Variants in CCDC102B observed in about 807,000 individuals in gnomAD.
CCDC102B encodes the protein coiled-coil domain containing 102B, also known as coiled-coil domain-containing protein 102B.
In CCDC102B, 75 loss-of-function variants were observed where a neutral mutation model predicts 57.4. The ratio of observed to expected loss-of-function variants is 1.31; its 90% confidence interval spans 1.08 to 1.58. CCDC102B has a LOEUF of 1.58. Ranked by LOEUF, CCDC102B falls within the 40% of genes most tolerant of loss-of-function variation. The pLI, the probability that CCDC102B is intolerant of heterozygous loss-of-function variation, is 0.00. For missense variants in CCDC102B, 636 were observed against 582.6 expected, an observed-to-expected ratio of 1.09 and a Z score of -0.94; for synonymous variants, 206 against 201.9, an observed-to-expected ratio of 1.02 and a Z score of -0.17.
chr18:68,958,164 A>G (rs1005779085), intron 6 of CCDC102B, among the ~76,000 whole-genome samples: 3 of 152,120 alleles, frequency 2.0e-5, no homozygotes, highest in Non-Finnish European at 4.4e-5. Flanking sequence ...CATGGGAAAG[A>G]CCTGCCCTGG....
At chr18:68,757,996 A>T (rs1406646330) in intron 2 of CCDC102B, among the ~76,000 whole-genome samples, 1 of 152,028 alleles carries the variant, frequency 6.6e-6, no homozygotes, top group Non-Finnish European at 1.5e-5. Flanking sequence ...TGTATTAAAG[A>T]TAGCCTTTTC....
At chr18:68,991,476 C>T (rs1379402026) in intron 6 of CCDC102B, among the ~76,000 whole-genome samples, 2 of 152,166 alleles carry the variant, frequency 1.3e-5, no homozygotes, top group Non-Finnish European at 2.9e-5. Flanking sequence ...GTGTTCATGG[C>T]TTTAAGAAAA....
chr18:68,850,920 C>T (rs1472718151), intron 4 of CCDC102B, among the ~76,000 whole-genome samples: 1 of 151,990 alleles, frequency 6.6e-6, no homozygotes, highest in African/African-American at 2.4e-5. Flanking sequence ...AGTCTCTGTC[C>T]AAAGTATGTT....
intron 2 of CCDC102B, among the ~76,000 whole-genome samples, chr18:68,780,737 A>C (rs17079702): frequency 0.065 from 9,818 of 151,756 alleles, 597 homozygotes; most frequent in African/African-American, 0.16. Flanking sequence ...TCTGGGCCCT[A>C]CTCTACCATT....
At chr18:68,775,077 T>C (rs557304223) in intron 2 of CCDC102B, among the ~76,000 whole-genome samples, 25 of 151,458 alleles carry the variant, frequency 1.7e-4, no homozygotes, top group African/African-American at 6.0e-4. Context: ...CATCACTTTA[T>C]AGTCACATAT....
At chr18:68,937,408 G>A (rs991442936) in intron 6 of CCDC102B, among the ~76,000 whole-genome samples, 1 of 152,032 alleles carries the variant, frequency 6.6e-6, no homozygotes, top group Non-Finnish European at 1.5e-5. Flanking sequence ...CATCCATCTG[G>A]AGACTGAAAT....
At chr18:68,956,471 A>ATATAAAATATATATATATATT (rs1568352479) in intron 6 of CCDC102B, among the ~76,000 whole-genome samples, 1 of 69,990 alleles carries the variant, frequency 1.4e-5, no homozygotes, top group Non-Finnish European at 2.3e-5. Context: ...TTATATATAT[A>ATATAAAATATATATATATATT]TTATATATAT....
At chr18:69,015,847 A>AT (rs1203112295) in intron 7 of CCDC102B, among the ~76,000 whole-genome samples, 1 of 151,740 alleles carries the variant, frequency 6.6e-6, no homozygotes, top group Admixed American at 6.6e-5. Flanking sequence ...ATAATGGCAC[A>AT]TTTTTTTATT....
At chr18:68,720,719 CTT>C (rs148540086) in intron 2 of CCDC102B, among the ~76,000 whole-genome samples, 41 of 152,162 alleles carry the variant, frequency 2.7e-4, no homozygotes, top group Admixed American at 3.9e-4. Context: ...CCCGGTGAGT[CTT>C]TTTTAGCAAG....
intron 4 of CCDC102B, among the ~76,000 whole-genome samples, chr18:68,860,548 C>T (rs1015214382): frequency 8.2e-6 from 1 of 121,894 alleles, no homozygotes; most frequent in Non-Finnish European, 1.8e-5. Context: ...ACCCCTGCCA[C>T]ACAGGCCTCC....
At chr18:68,879,039 A>C in intron 5 of CCDC102B, among the ~76,000 whole-genome samples, 1 of 151,952 alleles carries the variant, frequency 6.6e-6, no homozygotes, top group Non-Finnish European at 1.5e-5. Flanking sequence ...TCGCTGGCTC[A>C]GGAGTGAAGC....
chr18:68,836,911 C>T lies in CCDC102B; in HGVS notation c.148C>T (p.Gln50Ter). 6.2e-7 allele frequency: 1 copy of T among 1,614,134 alleles called. No individual in the cohort carries two copies. Among genetic ancestry groups the T allele is most frequent in the Non-Finnish European group, 8.5e-7 (1 of 1,180,020 alleles). The change falls in exon 2 of 8, where the codon CAA (glutamine) becomes TAA (stop). Residue 50 changes from glutamine (Q) to a stop codon, truncating the protein, a stop_gained. Coordinates refer to ENST00000360242, the MANE Select transcript of CCDC102B (RefSeq NM_024781.3). LOFTEE classifies it high-confidence loss of function. Reference sequence around the variant, plus strand: ...TACCTGCTTCCCACTTCATGGGCTACAATCTCATGCTGCTCACAATTTCTG... The same window carrying T: ...TACCTGCTTCCCACTTCATGGGCTATAATCTCATGCTGCTCACAATTTCTG... Reference protein sequence around the residue: ...CNTCFPLHGLQSHAAHNFCAH... With the variant: ...CNTCFPLHGL
At chr18:68,869,298 GA>G (rs969139986) in intron 4 of CCDC102B, among the ~76,000 whole-genome samples, 4 of 152,154 alleles carry the variant, frequency 2.6e-5, no homozygotes, top group African/African-American at 9.7e-5. Flanking sequence ...AGAGAAAAGG[GA>G]AAACTGCACA....
chr18:68,974,550 A>G (rs760855514), intron 6 of CCDC102B, among the ~76,000 whole-genome samples: 4 of 152,140 alleles, frequency 2.6e-5, no homozygotes, highest in African/African-American at 4.8e-5. Flanking sequence ...CTTGTTGGAT[A>G]TAGTTATTTA....
At chr18:68,887,122 G>A (rs923247501) in intron 5 of CCDC102B, among the ~76,000 whole-genome samples, 3 of 152,154 alleles carry the variant, frequency 2.0e-5, no homozygotes, top group African/African-American at 4.8e-5. Context: ...TCTAGGTTGA[G>A]TAGAAACAGT....
intron 7 of CCDC102B, among the ~76,000 whole-genome samples, chr18:69,035,451 A>G (rs1199315454): frequency 6.6e-6 from 1 of 152,058 alleles, no homozygotes; most frequent in African/African-American, 2.4e-5. Flanking sequence ...AAACTAGAGG[A>G]CATTATAAGT....
chr18:68,821,016 T>TA (rs1322839301), intron 1 of CCDC102B, among the ~76,000 whole-genome samples: 1 of 152,168 alleles, frequency 6.6e-6, no homozygotes, highest in Non-Finnish European at 1.5e-5. Context: ...TGTTTGAACT[T>TA]ATATCTAATT....
At chr18:68,740,247 A>G (rs2033324200) in intron 2 of CCDC102B, among the ~76,000 whole-genome samples, 1 of 152,176 alleles carries the variant, frequency 6.6e-6, no homozygotes, top group Non-Finnish European at 1.5e-5. Context: ...GTTAAGAACC[A>G]CTTGTTATGT....
chr18:68,794,311 C>T (rs2035558452), upstream of CCDC102B, among the ~76,000 whole-genome samples: 1 of 152,058 alleles, frequency 6.6e-6, no homozygotes, highest in Non-Finnish European at 1.5e-5. Context: ...AGAAAGAAGT[C>T]AACAGACTGG....
Sources: allele counts gnomAD v4.1 joint callset (sites outside exome capture counted in the v4.1 genomes callset), GRCh38; gene constraint gnomAD v4.1.1; transcripts MANE v1.5; gene names NCBI Gene and HGNC (gene_info 2026-07-23, HGNC 2026-07-21).